The following SCFD2 variants were observed in gnomAD, a reference collection of about 807,000 sequenced individuals.
SCFD2 encodes sec1 family domain-containing protein 2.
In SCFD2, 54 loss-of-function variants were observed where a neutral mutation model predicts 58.9. That is an observed-to-expected ratio of 0.92 (90% CI 0.74 to 1.15). The LOEUF is 1.15. SCFD2 is among the 50% of genes most tolerant of loss of function. SCFD2 has a pLI of 0.00. For missense variants in SCFD2, 805 were observed against 836.6 expected, an observed-to-expected ratio of 0.96 and a Z score of 0.47; for synonymous variants, 321 against 335.9, an observed-to-expected ratio of 0.96 and a Z score of 0.49.
chr4:53,042,337 G>A (rs1207967880), intron 5 of SCFD2, among the ~76,000 whole-genome samples: 1 of 148,978 alleles, frequency 6.7e-6, no homozygotes, highest in Non-Finnish European at 1.5e-5. Flanking sequence ...GTGTGTGTGT[G>A]TATATATATA....
intron 4 of SCFD2, among the ~76,000 whole-genome samples, chr4:53,258,969 T>A (rs1367108812): frequency 2.0e-5 from 3 of 152,202 alleles, no homozygotes; most frequent in Non-Finnish European, 4.4e-5. Flanking sequence ...ATTTCCCTGA[T>A]AATTTGTGAT....
intron 5 of SCFD2, among the ~76,000 whole-genome samples, chr4:52,978,070 T>C (rs1721292635): frequency 6.6e-6 from 1 of 152,236 alleles, no homozygotes; most frequent in Non-Finnish European, 1.5e-5. Context: ...CTCCAGTCCT[T>C]GGAGCAGTTG....
At chr4:53,139,449 G>T (rs1231210282) in intron 5 of SCFD2, among the ~76,000 whole-genome samples, 1 of 130,802 alleles carries the variant, frequency 7.6e-6, no homozygotes, top group Non-Finnish European at 1.8e-5. Context: ...TCTCTGCCCC[G>T]CCGCCACCCC....
At chr4:53,005,840 A>C (rs940202228) in intron 5 of SCFD2, among the ~76,000 whole-genome samples, 2 of 152,218 alleles carry the variant, frequency 1.3e-5, no homozygotes, top group Non-Finnish European at 2.9e-5. Flanking sequence ...CATTCACAAA[A>C]GTAAAGCCGA....
chr4:52,892,312 C>CCTTAGAAGATGAAA (rs1718896537), intron 7 of SCFD2, among the ~76,000 whole-genome samples: 1 of 152,196 alleles, frequency 6.6e-6, no homozygotes, highest in East Asian at 1.9e-4. Context: ...CTTAGACTTT[C>CCTTAGAAGATGAAA]ATCTTCTCAC....
At chr4:53,014,571 C>G (rs1366695905) in intron 5 of SCFD2, among the ~76,000 whole-genome samples, 2 of 152,210 alleles carry the variant, frequency 1.3e-5, no homozygotes, top group Non-Finnish European at 2.9e-5. Context: ...TATCAAGAAC[C>G]TCATAGGCAC....
chr4:53,364,909 T>C lies in SCFD2; in HGVS notation c.838+195A>G, dbSNP rs1165254185. 2.6e-5 allele frequency among the ~76,000 whole-genome samples: 4 copies of C among 152,268 alleles called. No individual in the cohort carries two copies. The East Asian group carries it at 7.7e-4, about 29-fold the overall frequency. On this transcript the variant is annotated intron_variant, in intron 1 of 8. Coordinates refer to ENST00000401642, the MANE Select transcript of SCFD2 (RefSeq NM_152540.4). ...CATTACAGCATTTAACAAATGTTAT[T>C]GTAATTGCTAATTCACCTGTCTGTA...
intron 4 of SCFD2, among the ~76,000 whole-genome samples, chr4:53,215,178 A>G (rs1045976786): frequency 6.6e-6 from 1 of 152,078 alleles, no homozygotes; most frequent in Non-Finnish European, 1.5e-5. Context: ...AGTTTTTTCC[A>G]ATTCTGTGAA....
chr4:52,964,427 A>C (rs572707707), intron 5 of SCFD2, among the ~76,000 whole-genome samples: 1 of 152,308 alleles, frequency 6.6e-6, no homozygotes, highest in African/African-American at 2.4e-5. Context: ...AAATAGGAAA[A>C]GGATATTTTA....
chr4:53,269,934 G>GA (rs1163761782), intron 4 of SCFD2, among the ~76,000 whole-genome samples: 2 of 152,174 alleles, frequency 1.3e-5, no homozygotes, highest in African/African-American at 4.8e-5. Context: ...GCTGACATGG[G>GA]AAAATCACTT....
chr4:53,270,055 C>T (rs924485296), intron 4 of SCFD2, among the ~76,000 whole-genome samples: 5 of 151,978 alleles, frequency 3.3e-5, no homozygotes, highest in African/African-American at 1.2e-4. Flanking sequence ...CTAATTTCAC[C>T]TGTGAGCATG....
chr4:53,129,254 A>G (rs999147519), intron 5 of SCFD2, among the ~76,000 whole-genome samples: 5 of 123,664 alleles, frequency 4.0e-5, no homozygotes, highest in Non-Finnish European at 9.0e-5. Context: ...AAAACAAAAC[A>G]AAACGAACAG....
intron 4 of SCFD2, among the ~76,000 whole-genome samples, chr4:53,178,933 G>A (rs559122869): frequency 6.6e-6 from 1 of 152,316 alleles, no homozygotes; most frequent in South Asian, 2.1e-4. Context: ...AATGAAGTGA[G>A]AAGAGAAGTT....
At chr4:52,936,868 GTTGACTT>G (rs1259499811) in intron 5 of SCFD2, among the ~76,000 whole-genome samples, 1 of 152,198 alleles carries the variant, frequency 6.6e-6, no homozygotes, top group Admixed American at 6.5e-5. Flanking sequence ...TCTCCTGTAA[GTTGACTT>G]TAAATCAACT....
At chr4:52,991,452 C>G (rs2148794747) in intron 5 of SCFD2, among the ~76,000 whole-genome samples, 1 of 152,238 alleles carries the variant, frequency 6.6e-6, no homozygotes, top group Admixed American at 6.5e-5. Flanking sequence ...GGGGAGAACC[C>G]CTACTACCAA....
chr4:53,225,493 CATCA>C (rs1729183316), intron 4 of SCFD2, among the ~76,000 whole-genome samples: 1 of 152,134 alleles, frequency 6.6e-6, no homozygotes, highest in Non-Finnish European at 1.5e-5. Context: ...ATGTAATATA[CATCA>C]ATCTTTGTCT....
intron 5 of SCFD2, among the ~76,000 whole-genome samples, chr4:52,925,119 C>T (rs1391674111): frequency 6.6e-6 from 1 of 151,984 alleles, no homozygotes; most frequent in African/African-American, 2.4e-5. Flanking sequence ...AGAAACTGAG[C>T]CACAGAGAAG....
At chr4:53,247,723 C>A (rs200004248) in intron 4 of SCFD2, among the ~76,000 whole-genome samples, 6 of 149,460 alleles carry the variant, frequency 4.0e-5, no homozygotes, top group Non-Finnish European at 5.9e-5. Context: ...TAGCCGGGCG[C>A]GGTGGCGGGC....
At chr4:53,288,802 TATCAA>T (rs1284348749) in intron 3 of SCFD2, among the ~76,000 whole-genome samples, 1 of 152,158 alleles carries the variant, frequency 6.6e-6, no homozygotes, top group African/African-American at 2.4e-5. Context: ...CATAAAAACA[TATCAA>T]AGTATAAAAC....
Sources: allele counts gnomAD v4.1 joint callset (sites outside exome capture counted in the v4.1 genomes callset), GRCh38; gene constraint gnomAD v4.1.1; transcripts MANE v1.5; gene names NCBI Gene and HGNC (gene_info 2026-07-23, HGNC 2026-07-21).